The following UBE2U variants were observed in gnomAD, a reference collection of about 807,000 sequenced individuals.
UBE2U encodes ubiquitin conjugating enzyme E2 U.
UBE2U carries 39 observed loss-of-function variants against 41.2 expected under a neutral mutation model. That is an observed-to-expected ratio of 0.95 (90% CI 0.73 to 1.24). UBE2U has a LOEUF of 1.24. Ranked by LOEUF, UBE2U falls within the 50% of genes most tolerant of loss-of-function variation. The pLI is 0.00. For missense variants in UBE2U, 336 were observed against 363.1 expected, an observed-to-expected ratio of 0.93 and a Z score of 0.61; for synonymous variants, 107 against 117.8, an observed-to-expected ratio of 0.91 and a Z score of 0.60.
chr1:64,241,849 C>A, intron 8 of UBE2U, 116 bp downstream of exon 8: 1 of 686,634 alleles, frequency 1.5e-6, no homozygotes, highest in Admixed American at 3.2e-5. Flanking sequence ...CAACTTATAC[C>A]CTTTTCTCAG....
In UBE2U at chr1:64,218,828, T is replaced by C. The variant is rs1358096533; in HGVS notation, c.458-2031T>C. Among the ~76,000 whole-genome samples the C allele has an allele frequency of 4.6e-5, 7 of 152,250 alleles. No individual in the cohort carries two copies. In the East Asian group the frequency reaches 1.3e-3, roughly 29 times the overall value. ...GTCTGATTTTACATTCCTTTGTTTT[T>C]TATGTGTGTACTATCTTTTCTTCTT... On this transcript the variant is annotated intron_variant, in intron 5 of 9. Coordinates refer to ENST00000371077, the MANE Select transcript of UBE2U (RefSeq NM_001366232.2).
At chr1:64,213,371 T>C (rs11586265) in intron 4 of UBE2U, among the ~76,000 whole-genome samples, 43,858 of 152,074 alleles carry the variant, frequency 0.29, 6,828 homozygotes, top group East Asian at 0.61. Flanking sequence ...CAAGCAGTTG[T>C]TCATGTTGTT....
At chr1:64,241,621 A>G (rs775020968) in intron 7 of UBE2U, 31 bp from the exon 8 acceptor site, 1 of 1,493,048 alleles carries the variant, frequency 6.7e-7, no homozygotes, top group South Asian at 1.2e-5. Flanking sequence ...GAATGTATGT[A>G]TAGCTTCTTT....
chr1:64,258,688 A>T (rs1349035196), intron 8 of UBE2U, among the ~76,000 whole-genome samples: 1 of 152,126 alleles, frequency 6.6e-6, no homozygotes, highest in Non-Finnish European at 1.5e-5. Flanking sequence ...TCCATGGTAT[A>T]TATGTGCCAC....
At chr1:64,205,112 G>A (rs1401636747) in intron 1 of UBE2U, among the ~76,000 whole-genome samples, 1 of 152,150 alleles carries the variant, frequency 6.6e-6, no homozygotes, top group South Asian at 2.1e-4. Context: ...GTTACTTAAC[G>A]TAATTCATAA....
intron 8 of UBE2U, among the ~76,000 whole-genome samples, chr1:64,255,235 C>T (rs891504452): frequency 1.3e-5 from 2 of 152,044 alleles, no homozygotes; most frequent in African/African-American, 4.8e-5. Context: ...AATCGAATCC[C>T]TGAATTGACC....
intron 7 of UBE2U, among the ~76,000 whole-genome samples, chr1:64,240,236 C>T (rs1644812797): frequency 6.6e-6 from 1 of 152,132 alleles, no homozygotes; most frequent in Admixed American, 6.5e-5. Context: ...AATTCAAGGT[C>T]CTGATCCAGT....
chr1:64,220,923 T>C lies in UBE2U; in HGVS notation c.506+16T>C, dbSNP rs760391832. ...AATGTATCAGGTAAGTTTTTCTTTA[T>C]ACAATTTATGTCGATTTATTTACCA... On this transcript the variant is annotated intron_variant, in intron 6 of 9. Transcript: ENST00000371077. 5 of 1,580,764 alleles carry C rather than the reference T, an allele frequency of 3.2e-6. No individual in the cohort carries two copies. In the East Asian group the frequency reaches 6.8e-5, roughly 21 times the overall value.
At chr1:64,239,192 A>AGAC (rs1179473063) in intron 7 of UBE2U, among the ~76,000 whole-genome samples, 1 of 147,768 alleles carries the variant, frequency 6.8e-6, no homozygotes. Context: ...AAGAAGAAGA[A>AGAC]AGCCCCAGAC....
intron 4 of UBE2U, 28 bp downstream of exon 4, chr1:64,210,867 C>T (rs745764796): frequency 6.8e-7 from 1 of 1,477,134 alleles, no homozygotes; most frequent in East Asian, 2.3e-5. Flanking sequence ...ATAATCCTCT[C>T]TTTAATACTT....
intron 7 of UBE2U, among the ~76,000 whole-genome samples, chr1:64,239,062 AGAAGAGGAAGAGGAAGAG>A (rs1273395992): frequency 3.5e-4 from 25 of 71,306 alleles, no homozygotes; most frequent in Admixed American, 1.0e-3. Flanking sequence ...AAGAAGAAGA[AGAAGAGGAAGAGGAAGAG>A]GAAGAGGAAG....
intron 5 of UBE2U, among the ~76,000 whole-genome samples, chr1:64,219,329 T>C (rs1183058063): frequency 2.6e-5 from 4 of 151,800 alleles, no homozygotes; most frequent in Non-Finnish European, 5.9e-5. Flanking sequence ...TTTTTTTTTC[T>C]GGAAGCTTTT....
rs147895256 is a variant in UBE2U, at chr1:64,252,917, T to C, written c.678-7686T>C. Reference sequence around the variant, plus strand: ...CAGAACTGGGCTGAGGCTGAGATGGTTGAATTGACAGAAGTAGGCTTCAGA... The same window carrying C: ...CAGAACTGGGCTGAGGCTGAGATGGCTGAATTGACAGAAGTAGGCTTCAGA... On this transcript the variant is annotated intron_variant, in intron 8 of 9. Transcript: ENST00000371077. Among the ~76,000 whole-genome samples the C allele has an allele frequency of 7.2e-5, 11 of 152,200 alleles. No individual in the cohort carries two copies. In the East Asian group the frequency reaches 1.9e-3, roughly 27 times the overall value.
At chr1:64,245,279 T>C (rs1644902259) in intron 8 of UBE2U, among the ~76,000 whole-genome samples, 1 of 152,180 alleles carries the variant, frequency 6.6e-6, no homozygotes, top group South Asian at 2.1e-4. Flanking sequence ...ATCTAATCAG[T>C]AGTTTGTATT....
At chr1:64,255,854 T>A (rs527612708) in intron 8 of UBE2U, among the ~76,000 whole-genome samples, 4 of 150,658 alleles carry the variant, frequency 2.7e-5, no homozygotes, top group Non-Finnish European at 4.4e-5. Context: ...GATACCATGA[T>A]CCTATGTCTA....
At chr1:64,239,132 GAAGAAGAAGAAGAAGAAGAAGAAGA>G (rs1315559481) in intron 7 of UBE2U, among the ~76,000 whole-genome samples, 1,615 of 27,450 alleles carry the variant, frequency 0.059, 43 homozygotes, top group East Asian at 0.12. Context: ...AGAAGAAGAA[GAAGAAGAAGAAGAAGAAGAAGAAGA>G]AAGAAGAAGA....
chr1:64,224,110 T>C (rs1652687425), intron 6 of UBE2U, among the ~76,000 whole-genome samples: 1 of 151,696 alleles, frequency 6.6e-6, no homozygotes, highest in Non-Finnish European at 1.5e-5. Context: ...TGTATGCGAG[T>C]GGCTAAATCA....
At chr1:64,223,568 C>A (rs1327648956) in intron 6 of UBE2U, among the ~76,000 whole-genome samples, 11 of 152,096 alleles carry the variant, frequency 7.2e-5, no homozygotes, top group Non-Finnish European at 1.3e-4. Context: ...ATCTCTGGGG[C>A]CTCTTTTAAG....
At chr1:64,242,632 CCTT>C (rs142910131) in intron 8 of UBE2U, among the ~76,000 whole-genome samples, 24,941 of 151,944 alleles carry the variant, frequency 0.16, 2,356 homozygotes, top group East Asian at 0.42. Flanking sequence ...AATTCCCTAT[CCTT>C]TAACATCATA....
Sources: gnomAD v4.1 joint callset for allele counts (sites outside exome capture counted in the v4.1 genomes callset) on GRCh38, gnomAD v4.1.1 for gene constraint, MANE v1.5 for transcripts, NCBI Gene and HGNC (gene_info 2026-07-23, HGNC 2026-07-21) for gene names.